The following ATP2A1 variants were observed in gnomAD, a reference collection of about 807,000 sequenced individuals.
ATP2A1 encodes sarcoplasmic/endoplasmic reticulum calcium ATPase 1.
Under a neutral mutation model 109.5 loss-of-function variants are expected in ATP2A1, and 83 were observed. That is an observed-to-expected ratio of 0.76 (90% CI 0.63 to 0.91). ATP2A1 has a LOEUF of 0.91. ATP2A1 is among the 40% of genes least tolerant of loss of function. The probability of loss-of-function intolerance (pLI) is 0.00; values close to 1 mark genes in which losing one functional copy is unlikely to be tolerated. For synonymous variants in ATP2A1, 505 were observed against 537.6 expected (o/e 0.94, Z 0.84); for missense variants, 1,101 against 1,341.0 (o/e 0.82, Z 2.80).
chr16:28,886,927 G>T (rs1963628240), intron 6 of ATP2A1, among the ~76,000 whole-genome samples: 1 of 151,674 alleles, frequency 6.6e-6, no homozygotes, highest in South Asian at 2.1e-4. Flanking sequence ...GAACCCGGGA[G>T]GTTGCAGTGA....
At chr16:28,892,313 A>T (rs534412981) in intron 9 of ATP2A1, 21 of 327,846 alleles carry the variant, frequency 6.4e-5, no homozygotes, top group Middle Eastern at 7.8e-4. Context: ...GGCTCCTTGC[A>T]GGGTCTTCCA....
intron 9 of ATP2A1, 34 bp from the exon 10 acceptor site, chr16:28,894,121 T>C (rs377050731): frequency 6.3e-7 from 1 of 1,591,372 alleles, no homozygotes; most frequent in African/African-American, 1.3e-5. Flanking sequence ...TGGGAAGAGG[T>C]GGACATCTGT....
rs8061714 is a variant in ATP2A1, at chr16:28,885,848, T to C, written c.544+1193T>C. Among the ~76,000 whole-genome samples, 340 of 152,068 alleles carry C rather than the reference T, an allele frequency of 2.2e-3. 2 individuals are homozygous for C. Among genetic ancestry groups the C allele is most frequent in the African/African-American group, 7.7e-3 (320 of 41,494 alleles). ...GGAGCCATGAGATTCTAGGACAAGA[T>C]AGGGGGTTCAGATACACTGAAAACC... On this transcript the variant is annotated intron_variant, in intron 6 of 22. Transcript: ENST00000395503.
In ATP2A1 at chr16:28,878,721, G is replaced by C; in HGVS notation, c.50G>C (p.Gly17Ala). The C allele has an allele frequency of 6.2e-7, 1 of 1,612,550 alleles. No individual in the cohort carries two copies. The highest frequency in any genetic ancestry group is 8.5e-7 in the Non-Finnish European group (1 of 1,179,342). The change falls in exon 1 of 23, where the codon GGG becomes GCG. Residue 17 changes from glycine (G) to alanine (A), a missense_variant. Physicochemically the swap from Gly to Ala is moderately conservative, Grantham distance 60. Coordinates refer to ENST00000395503, the MANE Select transcript of ATP2A1 (RefSeq NM_004320.6). The part of the protein sequence containing the change: ...KTTEECLAYF[G>A]VSETTGLTPD... Reference sequence around the variant, plus strand: ...ACGGAGGAATGTTTGGCCTATTTTGGGGTGAGTGAGACCACGGGCCTCACC... The same window carrying C: ...ACGGAGGAATGTTTGGCCTATTTTGCGGTGAGTGAGACCACGGGCCTCACC...
Position 28,903,019 on chromosome 16 carries a change from C to T in ATP2A1, c.2745-11C>T, listed in dbSNP as rs754261635. The T allele has an allele frequency of 1.2e-6, 2 of 1,613,746 alleles. No individual in the cohort carries two copies. The highest frequency in any genetic ancestry group is 4.5e-5 in the East Asian group (2 of 44,870). ...CTCACTGTGCCTTCTCCCTCCCCTT[C>T]CCCTCTGCAGCCTGTCCGAGAACCA... On this transcript the variant is annotated splice_polypyrimidine_tract_variant and intron_variant, in intron 19 of 22. Transcript: ENST00000395503. The surrounding 1 kb of genome is among the most constrained non-coding windows in gnomAD (Gnocchi z 5.6).
At chr16:28,882,617 A>G in intron 5 of ATP2A1, 28 bp downstream of exon 5, 1 of 1,613,212 alleles carries the variant, frequency 6.2e-7, no homozygotes, top group Non-Finnish European at 8.5e-7. Context: ...CTGGTCCAGG[A>G]TGGGAGGCCT....
intron 12 of ATP2A1, among the ~76,000 whole-genome samples, 199 bp downstream of exon 12, chr16:28,895,152 T>G (rs537219427): frequency 6.6e-6 from 1 of 152,378 alleles, no homozygotes; most frequent in South Asian, 2.1e-4. Context: ...GCCATGCCCT[T>G]GATGAATCTA....
chr16:28,880,466 A>G lies in ATP2A1; in HGVS notation c.220-449A>G, dbSNP rs1300600969. 6.6e-6 allele frequency among the ~76,000 whole-genome samples: 1 copy of G among 152,156 alleles called. No individual in the cohort carries two copies. Among genetic ancestry groups the G allele is most frequent in the African/African-American group, 2.4e-5 (1 of 41,434 alleles). On this transcript the variant is annotated intron_variant, in intron 3 of 22. Coordinates refer to ENST00000395503, the MANE Select transcript of ATP2A1 (RefSeq NM_004320.6). This position sits in a 1 kb window ranked among gnomAD's most constrained non-coding sequence, Gnocchi z 4.2. Reference sequence around the variant, plus strand: ...CGCGCGCAGGAGGCCCCGTAACCCTATCCCCGCTCCGGCTCCCTCGTGAAA... The same window carrying G: ...CGCGCGCAGGAGGCCCCGTAACCCTGTCCCCGCTCCGGCTCCCTCGTGAAA...
Position 28,880,990 on chromosome 16 carries a change from A to T in ATP2A1, c.295A>T (p.Ile99Phe), listed in dbSNP as rs758104818. The T allele has an allele frequency of 6.2e-7, 1 of 1,613,172 alleles. No homozygotes were observed. Among genetic ancestry groups the T allele is most frequent in the South Asian group, 1.1e-5 (1 of 91,048 alleles). Residue 99 changes from isoleucine (I) to phenylalanine (F), a missense_variant, in exon 4 of 23, where the codon ATT (isoleucine) becomes TTT (phenylalanine). Physicochemically the swap from Ile to Phe is conservative, Grantham distance 21. Transcript: ENST00000395503. The surrounding 1 kb of genome is among the most constrained non-coding windows in gnomAD (Gnocchi z 4.2). ...VEPFVILLIL[I>F]ANAIVGVWQE... ...ACCCTTTGTCATCCTCTTGATCCTC[A>T]TTGCCAATGCCATCGTGGGGGTTTG...
rs1963547483 is a variant in ATP2A1 at position 28,883,657 on chromosome 16, G to GC, written c.464-912dup. On this transcript the variant is annotated intron_variant, in intron 5 of 22. Transcript: ENST00000395503. The surrounding 1 kb of genome is among the most constrained non-coding windows in gnomAD (Gnocchi z 5.2). Reference sequence around the variant, plus strand: ...GTCTGGCTGGGCATCCACCTCTCCAGCCCCCCGACAAGGTGGTTTCCATGG... The same window carrying GC: ...GTCTGGCTGGGCATCCACCTCTCCAGCCCCCCCGACAAGGTGGTTTCCATGG... Among the ~76,000 whole-genome samples, 1 of 152,024 alleles carries GC rather than the reference G, an allele frequency of 6.6e-6. No homozygotes were observed. The highest frequency in any genetic ancestry group is 6.5e-5 in the Admixed American group (1 of 15,272).
At chr16:28,894,748 C>T (rs1370556854) in intron 11 of ATP2A1, 74 bp from the exon 12 acceptor site, 25 of 1,606,736 alleles carry the variant, frequency 1.6e-5, no homozygotes, top group East Asian at 4.5e-5. Context: ...TTCCTTCTTA[C>T]GCTAGGTGGA....
chr16:28,894,633 G>A, intron 11 of ATP2A1, 26 bp downstream of exon 11: 3 of 1,612,774 alleles, frequency 1.9e-6, no homozygotes, highest in Non-Finnish European at 2.5e-6. Context: ...CCTTCCAGTT[G>A]GCTCAGAGTC....
chr16:28,881,052 C>G, intron 4 of ATP2A1, 33 bp downstream of exon 4: 2 of 1,597,148 alleles, frequency 1.3e-6, no homozygotes, highest in Non-Finnish European at 1.7e-6. Context: ...CCCTTCATGT[C>G]CCAACAGTGA....
At position 28,879,689 on chromosome 16, in the gene ATP2A1, C is replaced by T. The variant is rs943050403; in HGVS notation, c.219+106C>T. ...TCCTCCCGTCCGAGTCCCGAGCATC[C>T]CATTGTACAGACGGGGCGGGCTGGC... On this transcript the variant is annotated intron_variant, in intron 3 of 22. Coordinates refer to ENST00000395503, the MANE Select transcript of ATP2A1 (RefSeq NM_004320.6). 5.3e-6 allele frequency: 7 copies of T among 1,316,052 alleles called. No individual in the cohort carries two copies. The South Asian group carries it at 6.2e-5, about 12-fold the overall frequency. 81.5% of individuals were successfully genotyped at this position (1,316,052 alleles called of 1,614,324 possible). A position where few individuals can be genotyped will look rare whatever the true frequency, so the allele number is the denominator to read the frequency against.
Position 28,882,380 on chromosome 16 carries a change from G to A in ATP2A1, c.325-71G>A, listed in dbSNP as rs372534602. The A allele has an allele frequency of 5.4e-5, 87 of 1,607,454 alleles. 1 individual carries two copies. The Middle Eastern group carries it at 9.1e-4, about 17-fold the overall frequency. On this transcript the variant is annotated intron_variant, in intron 4 of 22. Transcript: ENST00000395503. The stretch of plus-strand genomic sequence containing the variant: ...TGTGTGGGGTTTTGTTGCCTCCCCC[G>A]TGCCAGGAGCCACAACTCCATAACT...
chr16:28,903,345 T>TG lies in ATP2A1; in HGVS notation c.2887dup (p.Asp963GlyfsTer50), dbSNP rs1243129358. ...CAGATGATCTTCAAGCTCCGGGCCC[T>TG]GGACCTCACCCAGTGGCTCATGGTC... On this transcript the variant is annotated frameshift_variant, in exon 21 of 23. Coordinates refer to ENST00000395503, the MANE Select transcript of ATP2A1 (RefSeq NM_004320.6). LOFTEE classifies it high-confidence loss of function. This position sits in a 1 kb window ranked among gnomAD's most constrained non-coding sequence, Gnocchi z 5.6. The TG allele has an allele frequency of 6.2e-7, 1 of 1,613,920 alleles. No homozygotes were observed. Among genetic ancestry groups the TG allele is most frequent in the East Asian group, 2.2e-5 (1 of 44,848 alleles).
chr16:28,900,699 A>G lies in ATP2A1; in HGVS notation c.1883A>G (p.Asn628Ser), dbSNP rs770470645. ...CGGGTGATCATGATCACTGGGGACA[A>G]CAAGGGCACAGCCATTGCCATCTGC... ...GIRVIMITGDNKGTAIAICRR... is the reference protein window; with the variant it reads ...GIRVIMITGDSKGTAIAICRR... The change falls in exon 15 of 23, where the codon AAC (asparagine) becomes AGC (serine). Residue 628 changes from asparagine (N) to serine (S), a missense_variant. Asn to Ser is a conservative substitution (Grantham distance 46). Coordinates refer to ENST00000395503, the MANE Select transcript of ATP2A1 (RefSeq NM_004320.6). The G allele has an allele frequency of 4.3e-6, 7 of 1,614,064 alleles. No individual in the cohort carries two copies. In the East Asian group the frequency reaches 1.1e-4, roughly 26 times the overall value.
rs1047398259 is a variant in ATP2A1, at chr16:28,898,958, G to T, written c.1764+507G>T. Among the ~76,000 whole-genome samples the T allele has an allele frequency of 6.6e-6, 1 of 151,960 alleles. No homozygotes were observed. Among genetic ancestry groups the T allele is most frequent in the Non-Finnish European group, 1.5e-5 (1 of 68,000 alleles). On this transcript the variant is annotated intron_variant, in intron 14 of 22. Coordinates refer to ENST00000395503, the MANE Select transcript of ATP2A1 (RefSeq NM_004320.6). This position sits in a 1 kb window ranked among gnomAD's most constrained non-coding sequence, Gnocchi z 4.0. ...TGATCCCACCACTGCACTCCAGCCT[G>T]CATGACAAGCAAGGCCCTGTCTCTA...
chr16:28,882,170 G>A (rs1596664014), intron 4 of ATP2A1, among the ~76,000 whole-genome samples: 2 of 143,530 alleles, frequency 1.4e-5, no homozygotes, highest in African/African-American at 2.7e-5. Flanking sequence ...TGTTGTCCAG[G>A]CTGGTCTCGA....
Sources: allele counts gnomAD v4.1 joint callset (sites outside exome capture counted in the v4.1 genomes callset), GRCh38; gene constraint gnomAD v4.1.1; non-coding constraint Gnocchi (gnomAD v3.1); transcripts MANE v1.5; gene names NCBI Gene and HGNC (gene_info 2026-07-23, HGNC 2026-07-21).